CRACDL: variants seen among roughly 807,000 people sequenced by gnomAD.
CRACDL encodes the protein CRACD like, also known as CRACD-like protein.
A neutral mutation model predicts 70.6 loss-of-function variants in CRACDL; 26 were observed. That is an observed-to-expected ratio of 0.37 (90% CI 0.27 to 0.51). The LOEUF (loss-of-function observed/expected upper bound fraction) is 0.51, where lower values mean the gene tolerates loss of function less well. Among genes scored for constraint, CRACDL ranks in the 20% least tolerant of loss-of-function variants. The probability of loss-of-function intolerance (pLI) is 0.94; values close to 1 mark genes in which losing one functional copy is unlikely to be tolerated. For synonymous variants in CRACDL, 618 were observed against 615.2 expected (o/e 1.00, Z -0.07); for missense variants, 1,283 against 1,376.9 (o/e 0.93, Z 1.08).
At chr2:98,904,293 T>C (rs1708353150) in intron 1 of CRACDL, among the ~76,000 whole-genome samples, 1 of 152,168 alleles carries the variant, frequency 6.6e-6, no homozygotes, top group Non-Finnish European at 1.5e-5. Flanking sequence ...CCCACTGCAG[T>C]TACTACAGCA....
intron 4 of CRACDL, 27 bp from the exon 5 acceptor site, chr2:98,832,539 C>G: frequency 6.5e-7 from 1 of 1,534,330 alleles, no homozygotes; most frequent in Non-Finnish European, 8.8e-7. Context: ...AACATGTGCT[C>G]TTATTTTCAT....
chr2:98,932,110 A>C (rs941480843), intron 1 of CRACDL, among the ~76,000 whole-genome samples: 2 of 152,222 alleles, frequency 1.3e-5, no homozygotes, highest in African/African-American at 2.4e-5. Flanking sequence ...AAACAGAAGG[A>C]TTTTGAACGC....
intron 7 of CRACDL, among the ~76,000 whole-genome samples, chr2:98,817,219 G>A (rs961718811): frequency 6.6e-6 from 1 of 152,028 alleles, no homozygotes; most frequent in African/African-American, 2.4e-5. Context: ...GAAATTGGGG[G>A]CTATTCATCA....
Position 98,823,019 on chromosome 2 carries a change from G to C in CRACDL, c.1254C>G (p.Pro418=). 1 of 1,520,856 alleles carries C rather than the reference G, an allele frequency of 6.6e-7. No individual in the cohort carries two copies. The allele number at this position is 1,520,856 out of a possible 1,614,324, so 94.2% of individuals were successfully genotyped here. A position where few individuals can be genotyped will look rare whatever the true frequency, so the allele number is the denominator to read the frequency against. The change falls in exon 7 of 10, where the codon CCC becomes CCG. Residue 418 remains proline (P), a synonymous_variant. Transcript: ENST00000397899. The surrounding 1 kb of genome is among the most constrained non-coding windows in gnomAD (Gnocchi z 4.0). The stretch of plus-strand genomic sequence containing the variant: ...CAGAGGGCGCCTCTGAGGTGGCGGC[G>C]GGGTCAGTCTCGGGGGGAGTCGTGT... The part of the protein sequence containing the change: ...EGDTTPPETD[P]AATSEAPSAR...
chr2:98,795,077 A>ATATATTT, intron 9 of CRACDL, among the ~76,000 whole-genome samples: 2 of 58,506 alleles, frequency 3.4e-5, no homozygotes, highest in Admixed American at 2.2e-4. Flanking sequence ...ATATATATAT[A>ATATATTT]TTTTTTTTTT....
chr2:98,869,239 C>A, intron 1 of CRACDL: 2 of 1,287,722 alleles, frequency 1.6e-6, no homozygotes, highest in East Asian at 1.1e-4. Flanking sequence ...GGTTGCTGAT[C>A]AAGAGCCCTT....
At chr2:98,828,451 C>A (rs1444291555) in intron 5 of CRACDL, among the ~76,000 whole-genome samples, 1 of 152,170 alleles carries the variant, frequency 6.6e-6, no homozygotes, top group African/African-American at 2.4e-5. Flanking sequence ...GACAACACAC[C>A]AGTGCCGTCC....
chr2:98,922,711 C>G (rs376264221), intron 1 of CRACDL, among the ~76,000 whole-genome samples: 1 of 152,300 alleles, frequency 6.6e-6, no homozygotes, highest in South Asian at 2.1e-4. Context: ...CCCTGCAAAA[C>G]AGGGCCACGG....
At chr2:98,798,709 T>G (rs79469812) in intron 7 of CRACDL, among the ~76,000 whole-genome samples, 1 of 151,840 alleles carries the variant, frequency 6.6e-6, no homozygotes, top group Non-Finnish European at 1.5e-5. Flanking sequence ...TTTTTTTTTT[T>G]GAGACAGGGT....
chr2:98,931,706 T>G (rs1043210539), intron 1 of CRACDL, among the ~76,000 whole-genome samples: 1 of 152,234 alleles, frequency 6.6e-6, no homozygotes, highest in Non-Finnish European at 1.5e-5. Flanking sequence ...CTTTCACAGA[T>G]ACCCAGATCA....
At chr2:98,826,335 ATTTG>A (rs1388311422) in intron 6 of CRACDL, among the ~76,000 whole-genome samples, 1 of 152,102 alleles carries the variant, frequency 6.6e-6, no homozygotes, top group Non-Finnish European at 1.5e-5. Context: ...TAATTCACTC[ATTTG>A]TTTGTTCAGT....
chr2:98,861,977 G>A (rs911339595), intron 1 of CRACDL, among the ~76,000 whole-genome samples: 3 of 152,190 alleles, frequency 2.0e-5, no homozygotes, highest in African/African-American at 7.2e-5. Context: ...AGAGGTGGCA[G>A]CCATTGTTGT....
chr2:98,798,645 TAGAAAAA>T (rs1703944043), intron 7 of CRACDL, among the ~76,000 whole-genome samples: 1 of 151,904 alleles, frequency 6.6e-6, no homozygotes, highest in Admixed American at 6.6e-5. Flanking sequence ...CCTTCATCAA[TAGAAAAA>T]AGAAATCTGT....
intron 1 of CRACDL, among the ~76,000 whole-genome samples, chr2:98,924,311 C>T (rs1368709136): frequency 6.6e-6 from 1 of 152,182 alleles, no homozygotes; most frequent in African/African-American, 2.4e-5. Context: ...GCGACCACCT[C>T]CCTCTCTGCC....
chr2:98,814,420 G>T (rs1166744141), intron 7 of CRACDL, among the ~76,000 whole-genome samples: 1 of 152,086 alleles, frequency 6.6e-6, no homozygotes, highest in African/African-American at 2.4e-5. Context: ...TTATATAGTG[G>T]TGTAGTGTTT....
At chr2:98,794,951 T>C (rs1427493231) in intron 9 of CRACDL, among the ~76,000 whole-genome samples, 3 of 150,392 alleles carry the variant, frequency 2.0e-5, no homozygotes, top group African/African-American at 7.4e-5. Context: ...GCTGCAGCAA[T>C]GTCCCTCACT....
In CRACDL at chr2:98,838,287, C is replaced by A; in HGVS notation, c.71G>T (p.Gly24Val). The A allele has an allele frequency of 6.4e-7, 1 of 1,550,972 alleles. No homozygotes were observed. The highest frequency in any genetic ancestry group is 8.8e-7 in the Non-Finnish European group (1 of 1,132,656). Residue 24 changes from glycine to valine, a missense_variant and splice_region_variant, in exon 3 of 10, where the codon GGA becomes GTA. Gly to Val is a moderately radical substitution (Grantham distance 109, BLOSUM62 -3). Transcript: ENST00000397899. ...AAEGLGEDST[G>V]KKKSKFKTFK... is the part of the protein sequence containing the mutation. ...AGTTTTGAATTTAGATTTTTTCTTTCCTATACAGATTAGAGAAAAAAATAA... is the reference window on the plus strand; with the variant it reads ...AGTTTTGAATTTAGATTTTTTCTTTACTATACAGATTAGAGAAAAAAATAA...
intron 1 of CRACDL, among the ~76,000 whole-genome samples, chr2:98,853,837 T>A (rs922716010): frequency 6.6e-6 from 1 of 152,198 alleles, no homozygotes; most frequent in African/African-American, 2.4e-5. Flanking sequence ...TCAGAATTAA[T>A]ACTGTGATCC....
At chr2:98,901,975 T>C (rs1029465401) in intron 1 of CRACDL, among the ~76,000 whole-genome samples, 2 of 152,020 alleles carry the variant, frequency 1.3e-5, no homozygotes, top group African/African-American at 2.4e-5. Context: ...CAATGAAGTC[T>C]GGACACCAAC....
Sources: gnomAD v4.1 joint callset for allele counts (sites outside exome capture counted in the v4.1 genomes callset) on GRCh38, gnomAD v4.1.1 for gene constraint, Gnocchi (gnomAD v3.1) non-coding constraint, MANE v1.5 for transcripts, NCBI Gene and HGNC (gene_info 2026-07-23, HGNC 2026-07-21) for gene names.